Variants in MACROD2 observed in about 807,000 individuals in gnomAD.
The protein encoded by MACROD2 is mono-ADP ribosylhydrolase 2.
In MACROD2, 36 loss-of-function variants were observed where a neutral mutation model predicts 70.4. The ratio of observed to expected loss-of-function variants is 0.51; its 90% CI spans 0.39 to 0.68. MACROD2 has a LOEUF of 0.68. MACROD2 is among the 30% of genes least tolerant of loss of function. MACROD2 has a pLI of 0.00. For synonymous variants in MACROD2, 172 were observed against 178.8 expected (o/e 0.96, Z 0.30); for missense variants, 496 against 538.4 (o/e 0.92, Z 0.78).
intron 8 of MACROD2, among the ~76,000 whole-genome samples, chr20:15,838,945 C>G (rs949579244): frequency 6.6e-6 from 1 of 152,098 alleles, no homozygotes; most frequent in Non-Finnish European, 1.5e-5. Flanking sequence ...GCTTTGGGTA[C>G]TCAACTCATA....
At chr20:14,432,305 C>A (rs1039431433) in intron 3 of MACROD2, among the ~76,000 whole-genome samples, 5 of 152,030 alleles carry the variant, frequency 3.3e-5, no homozygotes, top group Non-Finnish European at 4.4e-5. Context: ...ATGGGTAGCT[C>A]ATACGTCATT....
At chr20:14,506,064 G>A (rs1600314883) in intron 4 of MACROD2, among the ~76,000 whole-genome samples, 3 of 152,306 alleles carry the variant, frequency 2.0e-5, no homozygotes, top group African/African-American at 7.2e-5. Flanking sequence ...TGGGCAGGTT[G>A]TGCCTCTGTA....
intron 8 of MACROD2, among the ~76,000 whole-genome samples, chr20:15,822,897 A>G (rs1256579497): frequency 6.6e-6 from 1 of 152,126 alleles, no homozygotes; most frequent in Non-Finnish European, 1.5e-5. Context: ...GAATTATACT[A>G]ATTTCCCTGT....
At chr20:14,766,489 G>C (rs1476353841) in intron 5 of MACROD2, among the ~76,000 whole-genome samples, 1 of 152,156 alleles carries the variant, frequency 6.6e-6, no homozygotes, top group East Asian at 1.9e-4. Flanking sequence ...AAAGCAATTA[G>C]AGATTGGTGG....
intron 10 of MACROD2, among the ~76,000 whole-genome samples, chr20:15,918,106 C>A (rs1469665625): frequency 6.6e-6 from 1 of 152,152 alleles, no homozygotes. Context: ...GTTTTGTAAT[C>A]ATAAAATCTG....
chr20:14,962,781 C>A (rs1194536494), intron 5 of MACROD2, among the ~76,000 whole-genome samples: 1 of 151,582 alleles, frequency 6.6e-6, no homozygotes. Context: ...CACCAATGCT[C>A]TTTCTCTCGT....
At chr20:14,057,035 T>C (rs1223646091) in intron 2 of MACROD2, among the ~76,000 whole-genome samples, 1 of 152,172 alleles carries the variant, frequency 6.6e-6, no homozygotes, top group Non-Finnish European at 1.5e-5. Context: ...CATTAAACAT[T>C]GCTTATCATG....
At position 14,853,173 on chromosome 20, in the gene MACROD2, CTGTGTG is replaced by C. The variant is rs147348353; in HGVS notation, c.418+168236_418+168241del. Among the ~76,000 whole-genome samples, 83 of 149,346 alleles carry C rather than the reference CTGTGTG, an allele frequency of 5.6e-4. 2 individuals carry two copies. In the East Asian group the frequency reaches 0.011, roughly 20 times the overall value. ...GTGTGAACAGTGTGTGTGTGTGTGT[CTGTGTG>C]TGTGTGTGTGTGTGTGTGTGTATAA... is the stretch of plus-strand genomic sequence containing the variant. On this transcript the variant is annotated intron_variant, in intron 5 of 17. Coordinates refer to ENST00000684519, the MANE Select transcript of MACROD2 (RefSeq NM_001351661.2).
At chr20:15,282,004 C>G (rs1257015965) in intron 6 of MACROD2, among the ~76,000 whole-genome samples, 1 of 152,374 alleles carries the variant, frequency 6.6e-6, no homozygotes, top group East Asian at 1.9e-4. Context: ...AGGCCCAACA[C>G]CATGTGTAAG....
intron 15 of MACROD2, among the ~76,000 whole-genome samples, chr20:16,038,171 T>C (rs899621171): frequency 1.5e-4 from 2 of 13,762 alleles, no homozygotes; most frequent in Admixed American, 3.2e-3. Flanking sequence ...CTAGATAACT[T>C]TTTTTTTCTT....
intron 6 of MACROD2, among the ~76,000 whole-genome samples, chr20:15,250,670 A>G (rs2077147571): frequency 6.6e-6 from 1 of 152,088 alleles, no homozygotes; most frequent in Non-Finnish European, 1.5e-5. Flanking sequence ...CTCTGTGTTT[A>G]GGGGGATCTT....
At chr20:14,025,882 C>G (rs1315964004) in intron 2 of MACROD2, among the ~76,000 whole-genome samples, 1 of 152,156 alleles carries the variant, frequency 6.6e-6, no homozygotes, top group African/African-American at 2.4e-5. Context: ...GAGCTGAGTT[C>G]AAGCCCTGAA....
At chr20:14,552,964 TA>T (rs1368374213) in intron 4 of MACROD2, among the ~76,000 whole-genome samples, 1 of 152,126 alleles carries the variant, frequency 6.6e-6, no homozygotes, top group African/African-American at 2.4e-5. Context: ...GAACTTAGGC[TA>T]CGTTAAATGT....
At chr20:15,403,485 ACACTGTTAGTTTTCTGTGTAATACC>A (rs2045958178) in intron 6 of MACROD2, among the ~76,000 whole-genome samples, 1 of 152,108 alleles carries the variant, frequency 6.6e-6, no homozygotes, top group Non-Finnish European at 1.5e-5. Flanking sequence ...ATTACAGCAG[ACACTGTTAGTTTTCTGTGTAATACC>A]CACTTTTACT....
intron 5 of MACROD2, among the ~76,000 whole-genome samples, chr20:14,968,598 G>T (rs890887893): frequency 6.6e-6 from 1 of 152,182 alleles, no homozygotes; most frequent in Non-Finnish European, 1.5e-5. Context: ...GCAAACTTCA[G>T]CATGCATTAG....
intron 5 of MACROD2, among the ~76,000 whole-genome samples, chr20:14,801,625 G>C (rs1369182422): frequency 6.6e-6 from 1 of 152,026 alleles, no homozygotes; most frequent in Non-Finnish European, 1.5e-5. Context: ...AGCATATTTG[G>C]AGTTTCCAGG....
At chr20:14,888,939 A>AT (rs2073715912) in intron 5 of MACROD2, among the ~76,000 whole-genome samples, 1 of 152,082 alleles carries the variant, frequency 6.6e-6, no homozygotes, top group Admixed American at 6.5e-5. Flanking sequence ...TTTTGCATGA[A>AT]TTTTGGGAGA....
intron 5 of MACROD2, among the ~76,000 whole-genome samples, chr20:15,003,520 T>C (rs888873250): frequency 6.6e-6 from 1 of 152,184 alleles, no homozygotes; most frequent in Non-Finnish European, 1.5e-5. Flanking sequence ...AATTTCAAAG[T>C]ATAGAGACTT....
intron 13 of MACROD2, 136 bp from the exon 14 acceptor site, chr20:15,986,591 G>C (rs543753576): frequency 1.0e-4 from 54 of 536,340 alleles, no homozygotes; most frequent in Non-Finnish European, 3.3e-5. Context: ...TAGAAAAATT[G>C]TATCTTTGCC....
Sources: gnomAD v4.1 joint callset for allele counts (sites outside exome capture counted in the v4.1 genomes callset) on GRCh38, gnomAD v4.1.1 for gene constraint, MANE v1.5 for transcripts, NCBI Gene and HGNC (gene_info 2026-07-23, HGNC 2026-07-21) for gene names.